CLVS2: variants seen among roughly 807,000 people sequenced by gnomAD.
The protein encoded by CLVS2 is clavesin-2.
CLVS2 carries 19 observed loss-of-function variants against 29.0 expected under a neutral mutation model. The ratio of observed to expected loss-of-function variants is 0.66; its 90% CI spans 0.46 to 0.96. CLVS2 has a LOEUF of 0.96. Ranked by LOEUF, CLVS2 falls within the 40% of genes least tolerant of loss-of-function variation. CLVS2 has a pLI of 0.00. For missense variants in CLVS2, 294 were observed against 404.1 expected (o/e 0.73, Z 2.34); for synonymous variants, 161 against 151.3 (o/e 1.06, Z -0.47).
At chr6:123,019,257 C>A (rs1404410273) in intron 3 of CLVS2, among the ~76,000 whole-genome samples, 1 of 152,000 alleles carries the variant, frequency 6.6e-6, no homozygotes, top group Non-Finnish European at 1.5e-5. Flanking sequence ...AATGGGTGGG[C>A]ACCTGTACTC....
intron 2 of CLVS2, among the ~76,000 whole-genome samples, chr6:123,005,301 ACCAC>A (rs1774651396): frequency 6.6e-6 from 1 of 152,180 alleles, no homozygotes; most frequent in Non-Finnish European, 1.5e-5. Flanking sequence ...CATCAGCTTT[ACCAC>A]TAATAATACC....
chr6:123,034,526 A>G (rs1775124022), intron 3 of CLVS2, among the ~76,000 whole-genome samples: 1 of 152,166 alleles, frequency 6.6e-6, no homozygotes, highest in South Asian at 2.1e-4. Context: ...AAAATTACAG[A>G]GCCAGAGGAG....
intron 3 of CLVS2, among the ~76,000 whole-genome samples, chr6:123,034,835 A>G (rs1286494079): frequency 1.3e-5 from 2 of 152,110 alleles, no homozygotes; most frequent in African/African-American, 2.4e-5. Flanking sequence ...CAAGGGGTGC[A>G]TGGGACCACA....
At chr6:123,056,367 A>AC (rs1030729769) in intron 5 of CLVS2, among the ~76,000 whole-genome samples, 4 of 151,212 alleles carry the variant, frequency 2.6e-5, no homozygotes, top group African/African-American at 4.9e-5. Flanking sequence ...CTCCCTATCC[A>AC]CCCCCCCAAA....
chr6:123,017,354 C>G (rs115050709), intron 3 of CLVS2, among the ~76,000 whole-genome samples: 3,662 of 152,084 alleles, frequency 0.024, 59 homozygotes, highest in African/African-American at 0.048. Flanking sequence ...GGGGCTGAAG[C>G]AATGCCTATC....
intron 3 of CLVS2, among the ~76,000 whole-genome samples, chr6:123,013,882 T>C (rs1159289576): frequency 6.7e-6 from 1 of 149,184 alleles, no homozygotes; most frequent in Non-Finnish European, 1.5e-5. Flanking sequence ...CATTGTTCAA[T>C]TCCCACCTAT....
intron 3 of CLVS2, among the ~76,000 whole-genome samples, chr6:123,035,931 C>A (rs1237667218): frequency 6.6e-6 from 1 of 152,028 alleles, no homozygotes; most frequent in African/African-American, 2.4e-5. Flanking sequence ...GACATTTTTT[C>A]TTTATATGAC....
chr6:123,014,655 A>T (rs1774800263), intron 3 of CLVS2, among the ~76,000 whole-genome samples: 1 of 152,084 alleles, frequency 6.6e-6, no homozygotes, highest in African/African-American at 2.4e-5. Flanking sequence ...AAAGTAATTG[A>T]TGTGGATCAG....
rs1002079441 is a variant in CLVS2, at chr6:123,013,752, T to C, written c.564+2593T>C. ...GTATACATGTGTCATGTTGGTGTGCTGCACCCATTAACTCGTCATTTAGCA... is the reference window on the plus strand; with the variant it reads ...GTATACATGTGTCATGTTGGTGTGCCGCACCCATTAACTCGTCATTTAGCA... On this transcript the variant is annotated intron_variant, in intron 3 of 5. Transcript: ENST00000275162. Among the ~76,000 whole-genome samples, 49 of 152,048 alleles carry C rather than the reference T, an allele frequency of 3.2e-4. 1 individual carries two copies. The highest frequency in any genetic ancestry group is 1.1e-3 in the African/African-American group (47 of 41,416).
At chr6:123,031,874 T>C (rs1196116440) in intron 3 of CLVS2, among the ~76,000 whole-genome samples, 1 of 152,082 alleles carries the variant, frequency 6.6e-6, no homozygotes, top group Non-Finnish European at 1.5e-5. Flanking sequence ...TTTAATATTA[T>C]GTCATGTAAG....
intron 3 of CLVS2, among the ~76,000 whole-genome samples, chr6:123,018,587 T>C (rs1425041735): frequency 6.6e-6 from 1 of 151,896 alleles, no homozygotes; most frequent in South Asian, 2.1e-4. Context: ...TTCTCTCTTA[T>C]CCATGAATAA....
intron 4 of CLVS2, among the ~76,000 whole-genome samples, chr6:123,054,485 T>C (rs185838410): frequency 1.5e-4 from 23 of 152,334 alleles, no homozygotes; most frequent in Admixed American, 1.5e-3. Context: ...TCTTCTATAA[T>C]TTGTTGAAAA....
chr6:123,007,906 T>C (rs1304085293), intron 2 of CLVS2, among the ~76,000 whole-genome samples: 1 of 152,204 alleles, frequency 6.6e-6, no homozygotes, highest in Non-Finnish European at 1.5e-5. Flanking sequence ...AAGTAGAGTA[T>C]TTCATTGTAG....
chr6:123,032,394 T>C (rs1279927528), intron 3 of CLVS2, among the ~76,000 whole-genome samples: 1 of 152,142 alleles, frequency 6.6e-6, no homozygotes, highest in Admixed American at 6.6e-5. Context: ...CAGAAATACC[T>C]ATTTATAATG....
chr6:123,044,283 A>G (rs1449123354), intron 3 of CLVS2, among the ~76,000 whole-genome samples: 1 of 152,184 alleles, frequency 6.6e-6, no homozygotes, highest in Non-Finnish European at 1.5e-5. Context: ...ATTACTTTGT[A>G]CTTTGTAGGT....
At chr6:123,038,356 C>T (rs765294454) in intron 3 of CLVS2, among the ~76,000 whole-genome samples, 4 of 152,126 alleles carry the variant, frequency 2.6e-5, no homozygotes, top group East Asian at 1.9e-4. Flanking sequence ...CATTCACATT[C>T]GCCTTACATT....
intron 3 of CLVS2, among the ~76,000 whole-genome samples, chr6:123,018,855 G>A (rs191050327): frequency 6.6e-6 from 1 of 152,072 alleles, no homozygotes; most frequent in African/African-American, 2.4e-5. Context: ...TTCAATTTGA[G>A]TTTTAAAACA....
intron 3 of CLVS2, among the ~76,000 whole-genome samples, chr6:123,032,496 G>A (rs1010529841): frequency 6.6e-6 from 1 of 152,088 alleles, no homozygotes; most frequent in Non-Finnish European, 1.5e-5. Context: ...AGGCATTGGT[G>A]TCTTACACTT....
At chr6:123,056,206 G>A (rs1772691110) in intron 5 of CLVS2, among the ~76,000 whole-genome samples, 180 bp downstream of exon 5, 1 of 152,078 alleles carries the variant, frequency 6.6e-6, no homozygotes, top group Admixed American at 6.6e-5. Flanking sequence ...TTCTTATAGT[G>A]AGAACATTTA....
Sources: allele counts gnomAD v4.1 joint callset (sites outside exome capture counted in the v4.1 genomes callset), GRCh38; gene constraint gnomAD v4.1.1; transcripts MANE v1.5; gene names NCBI Gene and HGNC (gene_info 2026-07-23, HGNC 2026-07-21).